PCCA: variants seen among roughly 807,000 people sequenced by gnomAD.
The protein encoded by PCCA is propionyl-CoA carboxylase subunit alpha.
PCCA carries 74 observed loss-of-function variants against 101.3 expected under a neutral mutation model. That is an observed-to-expected ratio of 0.73 (90% CI 0.61 to 0.89). The LOEUF is 0.89. Among genes scored for constraint, PCCA ranks in the 40% least tolerant of loss-of-function variants. The pLI is 0.00. For missense variants in PCCA, 891 were observed against 907.0 expected, an observed-to-expected ratio of 0.98 and a Z score of 0.23; for synonymous variants, 294 against 313.6, an observed-to-expected ratio of 0.94 and a Z score of 0.66.
intron 4 of PCCA, among the ~76,000 whole-genome samples, chr13:100,140,906 T>C (rs1365029082): frequency 1.3e-5 from 2 of 152,164 alleles, no homozygotes; most frequent in Non-Finnish European, 2.9e-5. Context: ...TTTGGTTAGA[T>C]AACAGAGGAA....
chr13:100,108,347 A>C (rs2047998680), intron 2 of PCCA, among the ~76,000 whole-genome samples: 1 of 152,112 alleles, frequency 6.6e-6, no homozygotes. Flanking sequence ...CCAGGATCCT[A>C]ATTTATAGTT....
chr13:100,266,577 G>A (rs1156346616), intron 10 of PCCA, among the ~76,000 whole-genome samples: 2 of 152,142 alleles, frequency 1.3e-5, no homozygotes, highest in African/African-American at 2.4e-5. Context: ...TCTAGTTTCT[G>A]TCCCTAAATG....
chr13:100,151,042 G>T, intron 4 of PCCA: 1 of 1,555,944 alleles, frequency 6.4e-7, no homozygotes. Context: ...GAAAGCGCAT[G>T]ACATCAGACT....
At chr13:100,349,568 C>G (rs910933446) in intron 18 of PCCA, among the ~76,000 whole-genome samples, 1 of 152,214 alleles carries the variant, frequency 6.6e-6, no homozygotes, top group African/African-American at 2.4e-5. Flanking sequence ...CGGCCACTTT[C>G]TGGTTTCTAC....
chr13:100,364,758 T>C (rs1333665272), intron 18 of PCCA, among the ~76,000 whole-genome samples: 2 of 152,002 alleles, frequency 1.3e-5, no homozygotes, highest in Non-Finnish European at 2.9e-5. Flanking sequence ...CTGAAAGAAA[T>C]TGTTAGAAAA....
intron 4 of PCCA, among the ~76,000 whole-genome samples, chr13:100,133,524 GTTA>G (rs2050774358): frequency 6.6e-6 from 1 of 152,080 alleles, no homozygotes; most frequent in South Asian, 2.1e-4. Context: ...GCCCTTTATT[GTTA>G]GATATGTGAT....
At chr13:100,282,662 G>T (rs2064229062) in intron 12 of PCCA, among the ~76,000 whole-genome samples, 2 of 152,206 alleles carry the variant, frequency 1.3e-5, no homozygotes, top group East Asian at 1.9e-4. Flanking sequence ...CTCTCTGATG[G>T]GGAAAAATGG....
At chr13:100,129,652 G>A (rs1354759252) in intron 4 of PCCA, among the ~76,000 whole-genome samples, 1 of 152,162 alleles carries the variant, frequency 6.6e-6, no homozygotes, top group African/African-American at 2.4e-5. Context: ...AGTCCCAGCA[G>A]CTTGTTCAGA....
At chr13:100,307,369 A>G (rs2066531190) in intron 15 of PCCA, 109 bp downstream of exon 15, 1 of 759,936 alleles carries the variant, frequency 1.3e-6, no homozygotes, top group East Asian at 2.7e-5. Flanking sequence ...TTAAACAACT[A>G]ATTATGCACT....
intron 21 of PCCA, among the ~76,000 whole-genome samples, chr13:100,457,760 C>T (rs1056690907): frequency 2.6e-5 from 4 of 152,194 alleles, no homozygotes; most frequent in African/African-American, 9.7e-5. Flanking sequence ...TGGAAAAATG[C>T]AAGAGACCTG....
intron 18 of PCCA, 124 bp from the exon 19 acceptor site, chr13:100,368,348 T>TA (rs1481810921): frequency 4.7e-6 from 3 of 640,586 alleles, no homozygotes; most frequent in Non-Finnish European, 8.4e-6. Context: ...AGTAGGTGTT[T>TA]AAAATGTTCG....
chr13:100,290,630 G>A (rs1283277563), intron 12 of PCCA, among the ~76,000 whole-genome samples: 2 of 152,116 alleles, frequency 1.3e-5, no homozygotes, highest in Admixed American at 6.5e-5. Flanking sequence ...CAGTGTTCAG[G>A]TTTAAGTATT....
intron 6 of PCCA, among the ~76,000 whole-genome samples, chr13:100,174,253 G>T (rs1235973751): frequency 6.6e-6 from 1 of 151,760 alleles, no homozygotes; most frequent in African/African-American, 2.4e-5. Flanking sequence ...CTAGAACTCA[G>T]GTTATTTTGA....
chr13:100,480,422 T>C (rs934592329), intron 21 of PCCA: 1 of 152,108 alleles, frequency 6.6e-6, no homozygotes, highest in Non-Finnish European at 1.5e-5. Context: ...CTTAAGACCT[T>C]GTGTGACCCT....
intron 21 of PCCA, among the ~76,000 whole-genome samples, chr13:100,450,046 AATTAGT>A (rs2081107505): frequency 1.3e-5 from 2 of 152,192 alleles, no homozygotes; most frequent in African/African-American, 4.8e-5. Context: ...ATAAGTTTAT[AATTAGT>A]ATTAGTTACT....
chr13:100,292,965 T>TG (rs1595156115), intron 12 of PCCA, among the ~76,000 whole-genome samples: 2 of 53,264 alleles, frequency 3.8e-5, no homozygotes, highest in African/African-American at 6.8e-5. Flanking sequence ...GTGTGTCTGT[T>TG]TGTGTGTGTG....
chr13:100,115,527 A>C (rs1486729309), intron 4 of PCCA, among the ~76,000 whole-genome samples: 1 of 152,140 alleles, frequency 6.6e-6, no homozygotes, highest in African/African-American at 2.4e-5. Context: ...AAAATATTTC[A>C]TGTACTCCAT....
chr13:100,190,080 C>T lies in PCCA; in HGVS notation c.469-19252C>T, dbSNP rs138033255. Among the ~76,000 whole-genome samples, 339 of 152,274 alleles carry T rather than the reference C, an allele frequency of 2.2e-3. 1 individual carries two copies. Among genetic ancestry groups the T allele is most frequent in the African/African-American group, 7.8e-3 (326 of 41,546 alleles). On this transcript the variant is annotated intron_variant, in intron 6 of 23. Transcript: ENST00000376285. ...TTGGCAGGTCTTAACTAGAATCTAG[C>T]CTCCTCTTATAATAGTTGAAAATGT...
intron 6 of PCCA, among the ~76,000 whole-genome samples, chr13:100,199,988 C>T (rs1387128611): frequency 6.6e-6 from 1 of 152,162 alleles, no homozygotes; most frequent in African/African-American, 2.4e-5. Context: ...CTTAAGTTGA[C>T]TCACGGGTCT....
Sources: allele counts gnomAD v4.1 joint callset (sites outside exome capture counted in the v4.1 genomes callset), GRCh38; gene constraint gnomAD v4.1.1; transcripts MANE v1.5; gene names NCBI Gene and HGNC (gene_info 2026-07-23, HGNC 2026-07-21).